SASS6: variants seen among roughly 807,000 people sequenced by gnomAD.
SASS6 encodes the protein SAS-6 centriolar assembly protein, also known as spindle assembly abnormal protein 6 homolog.
SASS6 carries 59 observed loss-of-function variants against 94.9 expected under a neutral mutation model. That is an observed-to-expected ratio of 0.62 (90% CI 0.50 to 0.77). The LOEUF is 0.77. SASS6 is among the 30% of genes least tolerant of loss of function. The pLI, the probability that SASS6 is intolerant of heterozygous loss-of-function variation, is 0.00. For synonymous variants in SASS6, 264 were observed against 270.0 expected (o/e 0.98, Z 0.22); for missense variants, 698 against 734.1 (o/e 0.95, Z 0.57).
intron 7 of SASS6, among the ~76,000 whole-genome samples, chr1:100,111,909 T>A (rs984963580): frequency 6.6e-6 from 1 of 152,076 alleles, no homozygotes; most frequent in East Asian, 1.9e-4. Flanking sequence ...CTAAAGACAA[T>A]AGAGGCCAAA....
At chr1:100,114,560 T>TA (rs1169616914) in intron 7 of SASS6, among the ~76,000 whole-genome samples, 3 of 149,186 alleles carry the variant, frequency 2.0e-5, no homozygotes, top group African/African-American at 2.5e-5. Context: ...AAAATAAAAA[T>TA]AAAAAAAATT....
At chr1:100,101,186 G>C (rs1470896366) in intron 14 of SASS6, among the ~76,000 whole-genome samples, 1 of 152,112 alleles carries the variant, frequency 6.6e-6, no homozygotes, top group Admixed American at 6.5e-5. Flanking sequence ...CAGGTTGATA[G>C]AGGCAGGTTT....
Position 100,110,353 on chromosome 1 carries a change from C to CT in SASS6, c.799dup (p.Arg267LysfsTer4), listed in dbSNP as rs1557887925. 1 of 1,607,402 alleles carries CT rather than the reference C, an allele frequency of 6.2e-7. No homozygotes were observed. The highest frequency in any genetic ancestry group is 8.5e-7 in the Non-Finnish European group (1 of 1,176,650). ...AATAGTGGAGTCTCCTTTATATTTT[C>CT]TTTCGGTTAAGTCTTTATTAGCCGC... On this transcript the variant is annotated frameshift_variant, in exon 8 of 17. Coordinates refer to ENST00000287482, the MANE Select transcript of SASS6 (RefSeq NM_194292.3). LOFTEE classifies it high-confidence loss of function.
chr1:100,096,759 G>A (rs1652134857), intron 14 of SASS6, among the ~76,000 whole-genome samples: 1 of 152,200 alleles, frequency 6.6e-6, no homozygotes, highest in East Asian at 1.9e-4. Context: ...TAATATTGAT[G>A]TTAAATAAGC....
intron 5 of SASS6, 151 bp downstream of exon 5, chr1:100,121,227 T>G: frequency 1.9e-6 from 1 of 526,574 alleles, no homozygotes; most frequent in South Asian, 2.3e-5. Context: ...GACTATACCT[T>G]GACTAAATAA....
chr1:100,127,837 AG>A (rs1312253981), intron 1 of SASS6, among the ~76,000 whole-genome samples: 1 of 78,180 alleles, frequency 1.3e-5, no homozygotes. Flanking sequence ...GGGGTGGGGG[AG>A]GGGGGGACTC....
At chr1:100,097,875 T>A (rs1182311323) in intron 14 of SASS6, among the ~76,000 whole-genome samples, 1 of 152,160 alleles carries the variant, frequency 6.6e-6, no homozygotes, top group South Asian at 2.1e-4. Flanking sequence ...TGTTGTATGA[T>A]TCTACTCATA....
chr1:100,129,979 A>AGAGAACAACAG (rs1371836812), intron 1 of SASS6, among the ~76,000 whole-genome samples: 1 of 152,214 alleles, frequency 6.6e-6, no homozygotes, highest in African/African-American at 2.4e-5. Flanking sequence ...AACATTTATT[A>AGAGAACAACAG]TGCTCTAGTC....
intron 13 of SASS6, among the ~76,000 whole-genome samples, chr1:100,104,396 C>T (rs994930787): frequency 2.6e-5 from 4 of 152,124 alleles, no homozygotes; most frequent in African/African-American, 7.2e-5. Context: ...CTCCTAGCAG[C>T]ACCTAGGCCT....
chr1:100,107,948 T>C lies in SASS6; in HGVS notation c.918A>G (p.Leu306=), dbSNP rs1570696638. The C allele has an allele frequency of 6.2e-7, 1 of 1,611,994 alleles. No individual in the cohort carries two copies. The highest frequency in any genetic ancestry group is 2.2e-5 in the East Asian group (1 of 44,792). Residue 306 remains leucine, a synonymous_variant, in exon 9 of 17, where the codon CTA becomes CTG. Coordinates refer to ENST00000287482, the MANE Select transcript of SASS6 (RefSeq NM_194292.3). The part of the protein sequence containing the change: ...VLSLRRENST[L]DVECHEKEKH... ...TTTCTTTCTCGTGGCATTCAACATC[T>C]AGTGTAGAATTCTCTCTTCGCAAAG...
chr1:100,121,502 G>T lies in SASS6; in HGVS notation c.359C>A (p.Pro120His), dbSNP rs1434855492. The T allele has an allele frequency of 6.3e-7, 1 of 1,599,854 alleles. No individual in the cohort carries two copies. The highest frequency in any genetic ancestry group is 8.5e-7 in the Non-Finnish European group (1 of 1,171,638). The change falls in exon 5 of 17, where the codon CCT (proline) becomes CAT (histidine). Residue 120 changes from proline (P) to histidine (H), a missense_variant. Pro to His is a moderately conservative substitution (Grantham distance 77, BLOSUM62 -2). Transcript: ENST00000287482. ...VSPAAILDNS[P>H]AFLNVVETNP... is the part of the protein sequence containing the mutation. ...TGTCTCTACCACATTTAAAAATGCAGGTGAGTTATCCAAAATAGCTGCTGG... is the reference window on the plus strand; with the variant it reads ...TGTCTCTACCACATTTAAAAATGCATGTGAGTTATCCAAAATAGCTGCTGG...
At position 100,105,797 on chromosome 1, in the gene SASS6, G is replaced by A; in HGVS notation, c.1515C>T (p.Ile505=). The A allele has an allele frequency of 1.2e-6, 2 of 1,613,254 alleles. No individual in the cohort carries two copies. The highest frequency in any genetic ancestry group is 1.7e-6 in the Non-Finnish European group (2 of 1,179,590). Residue 505 remains isoleucine (I), a synonymous_variant, in exon 13 of 17, where the codon ATC becomes ATT. Coordinates refer to ENST00000287482, the MANE Select transcript of SASS6 (RefSeq NM_194292.3). ...TCAGGTTAGGAGAAATTCCACTTCTGATTGTGTTGCTGCTGGAATGTGCAG... is the reference window on the plus strand; with the variant it reads ...TCAGGTTAGGAGAAATTCCACTTCTAATTGTGTTGCTGCTGGAATGTGCAG... ...TPPAHSSSNT[I]RSGISPNLNV...
chr1:100,107,037 TTAAA>T (rs778653534), intron 11 of SASS6, 44 bp from the exon 12 acceptor site: 23 of 830,414 alleles, frequency 2.8e-5, no homozygotes, highest in African/African-American at 6.9e-5. Flanking sequence ...AAAATAAAGG[TTAAA>T]TAAAAACTGA....
chr1:100,131,939 C>G (rs1655067987), intron 1 of SASS6, among the ~76,000 whole-genome samples: 1 of 151,874 alleles, frequency 6.6e-6, no homozygotes, highest in Non-Finnish European at 1.5e-5. Context: ...GAGGAAAGAA[C>G]GTTCAGAGAA....
At chr1:100,112,183 T>C (rs1054202173) in intron 7 of SASS6, among the ~76,000 whole-genome samples, 2 of 152,154 alleles carry the variant, frequency 1.3e-5, no homozygotes, top group African/African-American at 4.8e-5. Context: ...AGCAATATTT[T>C]TCAAATGAAT....
In SASS6 at chr1:100,121,405, A is replaced by G. The variant is rs1330750481; in HGVS notation, c.456T>C (p.Phe152=). 6.3e-7 allele frequency: 1 copy of G among 1,581,842 alleles called. No homozygotes were observed. Among genetic ancestry groups the G allele is most frequent in the Admixed American group, 2.0e-5 (1 of 49,700 alleles). ...LPGNDVEIKK[F]LAGCLKCSKE... ...TGCTACATTTCAAACAGCCTGCGAG[A>G]AATTTCTTTATCTCCACATCATTTC... The change falls in exon 5 of 17, where the codon TTT becomes TTC. Residue 152 remains phenylalanine (F), a synonymous_variant. Transcript: ENST00000287482.
intron 14 of SASS6, among the ~76,000 whole-genome samples, chr1:100,095,585 G>A (rs895757199): frequency 1.3e-5 from 2 of 152,010 alleles, no homozygotes; most frequent in African/African-American, 4.8e-5. Context: ...ATTACAATAA[G>A]GCAAGAAAAA....
chr1:100,122,508 A>C, intron 3 of SASS6, 24 bp from the exon 4 acceptor site: 1 of 976,122 alleles, frequency 1.0e-6, no homozygotes, highest in Non-Finnish European at 1.5e-6. Context: ...AGGAAAAGAA[A>C]TTTTTTAAAA....
intron 7 of SASS6, 98 bp downstream of exon 7, chr1:100,118,920 G>T: frequency 1.3e-6 from 1 of 784,716 alleles, no homozygotes; most frequent in African/African-American, 1.8e-5. Flanking sequence ...CTTCTGTAAC[G>T]TTTGGAAAAT....
Sources: allele counts gnomAD v4.1 joint callset (sites outside exome capture counted in the v4.1 genomes callset), GRCh38; gene constraint gnomAD v4.1.1; transcripts MANE v1.5; gene names NCBI Gene and HGNC (gene_info 2026-07-23, HGNC 2026-07-21).